RARB: variants seen among roughly 807,000 people sequenced by gnomAD.
The protein encoded by RARB is HBV-activated protein.
In RARB, 17 loss-of-function variants were observed where a neutral mutation model predicts 51.9. That is an observed-to-expected ratio of 0.33 (90% confidence interval 0.22 to 0.49). The LOEUF is 0.49. Among genes scored for constraint, RARB ranks in the 20% least tolerant of loss-of-function variants. RARB has a pLI of 0.99. For missense variants in RARB, 369 were observed against 550.8 expected (o/e 0.67, Z 3.30); for synonymous variants, 215 against 195.4 (o/e 1.10, Z -0.84).
At chr3:25,115,366 G>A (rs958490811) in intron 3 of RARB, among the ~76,000 whole-genome samples, 2 of 152,130 alleles carry the variant, frequency 1.3e-5, no homozygotes, top group Admixed American at 6.6e-5. Context: ...TAATGACATT[G>A]TAACATCTAT....
chr3:24,933,236 A>G (rs1695478598), intron 2 of RARB, among the ~76,000 whole-genome samples: 1 of 152,116 alleles, frequency 6.6e-6, no homozygotes. Context: ...AATGAGAATC[A>G]TTGGTTTTCG....
At chr3:25,206,331 A>G (rs1015761184) in intron 5 of RARB, among the ~76,000 whole-genome samples, 1 of 152,206 alleles carries the variant, frequency 6.6e-6, no homozygotes, top group Non-Finnish European at 1.5e-5. Flanking sequence ...AATTCTAAAG[A>G]GGAAATCTCG....
In RARB at chr3:25,428,538, G is replaced by C; in HGVS notation, c.-194G>C. 1 of 1,276,014 alleles carries C rather than the reference G, an allele frequency of 7.8e-7. No individual in the cohort carries two copies. Among genetic ancestry groups the C allele is most frequent in the Non-Finnish European group, 9.9e-7 (1 of 1,010,506 alleles). 79.0% of individuals were successfully genotyped at this position (1,276,014 alleles called of 1,614,324 possible). ...CGAGCAAGCCTGGAAAATGGTAAAT[G>C]ATCATTTGGATCAATTACAGGCTTT... On this transcript the variant is annotated 5_prime_UTR_variant, in exon 1 of 8. An upstream start codon of the reference 5' UTR is lost. Coordinates refer to ENST00000330688, the MANE Select transcript of RARB (RefSeq NM_000965.5).
intron 2 of RARB, among the ~76,000 whole-genome samples, chr3:24,996,687 C>T (rs1418127014): frequency 6.6e-6 from 1 of 151,998 alleles, no homozygotes; most frequent in Non-Finnish European, 1.5e-5. Context: ...ATTTAAATTT[C>T]ATGCATAATT....
At chr3:25,310,512 C>A (rs1371225721) in intron 5 of RARB, among the ~76,000 whole-genome samples, 1 of 152,170 alleles carries the variant, frequency 6.6e-6, no homozygotes, top group African/African-American at 2.4e-5. Flanking sequence ...CCACATGAGA[C>A]CTGGACCTCT....
chr3:25,456,376 C>T (rs1367343874), intron 1 of RARB, among the ~76,000 whole-genome samples: 12 of 151,990 alleles, frequency 7.9e-5, no homozygotes, highest in Non-Finnish European at 1.8e-4. Context: ...AGAAAAGGAC[C>T]TCTGATAAAC....
intron 5 of RARB, among the ~76,000 whole-genome samples, chr3:25,331,474 C>G (rs1197870696): frequency 1.3e-5 from 2 of 152,092 alleles, no homozygotes; most frequent in African/African-American, 4.8e-5. Context: ...GCTTTGAAAC[C>G]AGTGAGAACA....
intron 3 of RARB, among the ~76,000 whole-genome samples, chr3:25,077,566 A>G (rs1378847860): frequency 3.3e-5 from 5 of 151,848 alleles, no homozygotes; most frequent in Admixed American, 6.6e-5. Flanking sequence ...ATATATCTCT[A>G]TTTATCTATT....
intron 2 of RARB, among the ~76,000 whole-genome samples, chr3:24,989,159 G>A (rs553539650): frequency 3.2e-4 from 48 of 152,244 alleles, no homozygotes; most frequent in African/African-American, 1.1e-3. Flanking sequence ...ATTCTGCAGT[G>A]CTTTTCCTTG....
chr3:25,174,665 T>C, intron 5 of RARB: 1 of 1,169,688 alleles, frequency 8.5e-7, no homozygotes, highest in Non-Finnish European at 1.1e-6. Context: ...CAGGGCAATT[T>C]CTTATTTCAT....
chr3:24,883,356 T>G (rs932896970), intron 2 of RARB, among the ~76,000 whole-genome samples: 2 of 143,774 alleles, frequency 1.4e-5, no homozygotes, highest in African/African-American at 5.1e-5. Context: ...TCAACAATCA[T>G]TGTGTGTGTG....
intron 2 of RARB, among the ~76,000 whole-genome samples, chr3:25,040,950 C>A (rs766792797): frequency 6.6e-6 from 1 of 152,196 alleles, no homozygotes; most frequent in East Asian, 1.9e-4. Context: ...TCTTTGAGGG[C>A]AAAAGTTTTT....
intron 5 of RARB, among the ~76,000 whole-genome samples, chr3:25,315,004 G>GCTACAT (rs1453564303): frequency 6.6e-6 from 1 of 152,198 alleles, no homozygotes; most frequent in African/African-American, 2.4e-5. Context: ...ATGGCCTCCA[G>GCTACAT]CTACATCCAT....
intron 5 of RARB, among the ~76,000 whole-genome samples, chr3:25,296,520 A>G (rs567141674): frequency 2.6e-5 from 4 of 152,294 alleles, no homozygotes; most frequent in South Asian, 2.1e-4. Context: ...GAGTTCATAC[A>G]TGAATATATT....
At chr3:25,105,482 G>T (rs181658751) in intron 3 of RARB, among the ~76,000 whole-genome samples, 1 of 147,538 alleles carries the variant, frequency 6.8e-6, no homozygotes, top group South Asian at 2.1e-4. Context: ...CATATGTTTT[G>T]CCAAGTATGA....
intron 2 of RARB, among the ~76,000 whole-genome samples, chr3:24,956,437 A>T (rs4340667): frequency 0.078 from 11,854 of 152,198 alleles, 1,270 homozygotes; most frequent in African/African-American, 0.25. Context: ...CATATGAACA[A>T]TACTCATGTA....
intron 2 of RARB, among the ~76,000 whole-genome samples, chr3:24,999,943 C>T (rs757789800): frequency 4.6e-5 from 7 of 151,852 alleles, no homozygotes; most frequent in Non-Finnish European, 8.8e-5. Context: ...CCAACAGCCA[C>T]ATTAATGCAA....
intron 2 of RARB, chr3:24,858,856 G>A (rs1176087788): frequency 6.6e-6 from 1 of 151,796 alleles, no homozygotes; most frequent in Non-Finnish European, 1.5e-5. Context: ...GGCCAACATG[G>A]TATAACCCCG....
intron 2 of RARB, among the ~76,000 whole-genome samples, chr3:25,463,165 G>A (rs770197423): frequency 4.0e-5 from 6 of 151,180 alleles, no homozygotes; most frequent in Middle Eastern, 3.4e-3. Flanking sequence ...GAGCCACCAC[G>A]CCCAGCCCCA....
Sources: allele counts gnomAD v4.1 joint callset (sites outside exome capture counted in the v4.1 genomes callset), GRCh38; gene constraint gnomAD v4.1.1; transcripts MANE v1.5; gene names NCBI Gene and HGNC (gene_info 2026-07-23, HGNC 2026-07-21).